Variants in CFAP299 observed in about 807,000 individuals in gnomAD.
The protein encoded by CFAP299 is cilia- and flagella-associated protein 299.
CFAP299 carries 21 observed loss-of-function variants against 27.0 expected under a neutral mutation model. The ratio of observed to expected loss-of-function variants is 0.78; its 90% CI spans 0.55 to 1.12. The LOEUF (loss-of-function observed/expected upper bound fraction) is 1.12. Among genes scored for constraint, CFAP299 ranks in the 50% most tolerant of loss-of-function variants. The probability of loss-of-function intolerance (pLI) is 0.00; values close to 1 mark genes in which losing one functional copy is unlikely to be tolerated. For synonymous variants in CFAP299, 104 were observed against 98.1 expected (o/e 1.06, Z -0.36); for missense variants, 310 against 276.6 (o/e 1.12, Z -0.86).
chr4:80,616,688 C>A (rs563731742), intron 3 of CFAP299, among the ~76,000 whole-genome samples: 2 of 151,926 alleles, frequency 1.3e-5, no homozygotes, highest in African/African-American at 4.8e-5. Context: ...TTATACTTCT[C>A]GGAGCTGTAT....
chr4:80,707,958 T>G (rs1196643074), intron 3 of CFAP299, among the ~76,000 whole-genome samples: 1 of 152,052 alleles, frequency 6.6e-6, no homozygotes, highest in Non-Finnish European at 1.5e-5. Flanking sequence ...ATGACGGAGT[T>G]TCTGAAGGTG....
intron 2 of CFAP299, among the ~76,000 whole-genome samples, chr4:80,534,388 C>T (rs1733627140): frequency 6.7e-6 from 1 of 150,074 alleles, no homozygotes; most frequent in Admixed American, 6.6e-5. Flanking sequence ...ATAACTTTTA[C>T]CACATAGTTC....
chr4:80,798,705 A>T (rs531189099), intron 3 of CFAP299, among the ~76,000 whole-genome samples: 2 of 152,188 alleles, frequency 1.3e-5, no homozygotes, highest in East Asian at 3.9e-4. Flanking sequence ...CCCTGAGTTC[A>T]TCATTTTCTT....
intron 2 of CFAP299, among the ~76,000 whole-genome samples, chr4:80,580,473 TC>T (rs1736107374): frequency 6.6e-6 from 1 of 151,832 alleles, no homozygotes; most frequent in African/African-American, 2.4e-5. Context: ...GACACTTCCT[TC>T]CTTCAACTGT....
intron 2 of CFAP299, among the ~76,000 whole-genome samples, chr4:80,447,140 T>G (rs1198395014): frequency 7.1e-5 from 9 of 126,524 alleles, no homozygotes; most frequent in South Asian, 2.7e-4. Flanking sequence ...GTTTTTTTTT[T>G]TTTTTTTTTT....
chr4:80,480,941 T>C (rs953948739), intron 2 of CFAP299, among the ~76,000 whole-genome samples: 1 of 152,016 alleles, frequency 6.6e-6, no homozygotes, highest in Non-Finnish European at 1.5e-5. Context: ...GTAACTAATA[T>C]CCAAAAAGGT....
intron 5 of CFAP299, among the ~76,000 whole-genome samples, chr4:80,954,313 G>A (rs1163809788): frequency 1.3e-5 from 2 of 152,110 alleles, no homozygotes; most frequent in South Asian, 2.1e-4. Context: ...TAATTCCCAT[G>A]ACTCTTTCTC....
chr4:80,369,701 A>C (rs1245668346), intron 2 of CFAP299, among the ~76,000 whole-genome samples: 1 of 152,244 alleles, frequency 6.6e-6, no homozygotes, highest in Non-Finnish European at 1.5e-5. Flanking sequence ...CAAGATGCCC[A>C]AGGTGCCTAA....
chr4:80,730,296 G>GTA (rs1723442585), intron 3 of CFAP299, among the ~76,000 whole-genome samples: 4 of 145,350 alleles, frequency 2.8e-5, no homozygotes, highest in Non-Finnish European at 4.5e-5. Context: ...GTGTGTGTGT[G>GTA]TGTATGACCT....
intron 3 of CFAP299, among the ~76,000 whole-genome samples, chr4:80,654,465 A>G (rs1189861135): frequency 6.6e-6 from 1 of 152,068 alleles, no homozygotes; most frequent in African/African-American, 2.4e-5. Context: ...CTATTGTAAC[A>G]TTTTCTGTTC....
At chr4:80,341,343 A>G (rs1005908800) in intron 1 of CFAP299, among the ~76,000 whole-genome samples, 1 of 152,128 alleles carries the variant, frequency 6.6e-6, no homozygotes, top group African/African-American at 2.4e-5. Flanking sequence ...AAGCAACCAG[A>G]CTGCTTCTTT....
intron 3 of CFAP299, among the ~76,000 whole-genome samples, chr4:80,813,227 T>C (rs1159646383): frequency 2.0e-5 from 3 of 152,062 alleles, no homozygotes; most frequent in Non-Finnish European, 4.4e-5. Context: ...GAAAATAGTT[T>C]ATATTATCAA....
chr4:80,673,838 C>A (rs1719192053), intron 3 of CFAP299, among the ~76,000 whole-genome samples: 1 of 139,232 alleles, frequency 7.2e-6, no homozygotes, highest in Admixed American at 7.0e-5. Context: ...ATTGCAAACT[C>A]TGCCTTTTTT....
At chr4:80,485,533 T>C (rs1489002379) in intron 2 of CFAP299, among the ~76,000 whole-genome samples, 1 of 152,066 alleles carries the variant, frequency 6.6e-6, no homozygotes. Flanking sequence ...GAAATTTGAA[T>C]AACATTTGAT....
chr4:80,405,235 A>G (rs570881621), intron 2 of CFAP299, among the ~76,000 whole-genome samples: 2 of 152,306 alleles, frequency 1.3e-5, no homozygotes, highest in African/African-American at 4.8e-5. Flanking sequence ...AAGCAGACTG[A>G]TGCTGTGTCT....
chr4:80,728,794 C>T (rs1723310004), intron 3 of CFAP299, among the ~76,000 whole-genome samples: 1 of 152,178 alleles, frequency 6.6e-6, no homozygotes, highest in East Asian at 1.9e-4. Flanking sequence ...TCTCTGTCTC[C>T]ATTGCTGTCA....
intron 2 of CFAP299, among the ~76,000 whole-genome samples, chr4:80,580,497 G>A (rs1736108376): frequency 1.3e-5 from 2 of 151,806 alleles, no homozygotes; most frequent in African/African-American, 4.9e-5. Flanking sequence ...TTTTTAGGAT[G>A]CTCTGTGGGT....
intron 3 of CFAP299, among the ~76,000 whole-genome samples, chr4:80,626,741 C>A (rs1738928830): frequency 6.6e-6 from 1 of 151,320 alleles, no homozygotes; most frequent in South Asian, 2.1e-4. Flanking sequence ...ATTTATATAC[C>A]AACCATTTCA....
intron 3 of CFAP299, among the ~76,000 whole-genome samples, chr4:80,796,569 A>G (rs1342268764): frequency 1.3e-5 from 2 of 152,152 alleles, no homozygotes; most frequent in Non-Finnish European, 2.9e-5. Flanking sequence ...CCTTATGGAC[A>G]GTAATGGAGA....
Sources: allele counts gnomAD v4.1 joint callset (sites outside exome capture counted in the v4.1 genomes callset), GRCh38; gene constraint gnomAD v4.1.1; transcripts MANE v1.5; gene names NCBI Gene and HGNC (gene_info 2026-07-23, HGNC 2026-07-21).